Variants in EVA1A observed in about 807,000 individuals in gnomAD.
EVA1A encodes protein eva-1 homolog A.
EVA1A carries 7 observed loss-of-function variants against 9.8 expected under a neutral mutation model. The ratio of observed to expected loss-of-function variants is 0.71; its 90% CI spans 0.41 to 1.34. EVA1A has a LOEUF of 1.34. EVA1A is among the 40% of genes most tolerant of loss of function. The pLI is 0.01. For missense variants in EVA1A, 206 were observed against 205.9 expected, an observed-to-expected ratio of 1.00 and a Z score of 0.00; for synonymous variants, 90 against 85.6, an observed-to-expected ratio of 1.05 and a Z score of -0.28.
At chr2:75,497,103 A>G (rs1475615052) in intron 3 of EVA1A, among the ~76,000 whole-genome samples, 4 of 152,232 alleles carry the variant, frequency 2.6e-5, no homozygotes, top group African/African-American at 9.6e-5. Flanking sequence ...AACCTAGGAA[A>G]TACCATTCTG....
chr2:75,520,918 G>T (rs1369810087), intron 2 of EVA1A, among the ~76,000 whole-genome samples: 1 of 152,140 alleles, frequency 6.6e-6, no homozygotes, highest in East Asian at 1.9e-4. Flanking sequence ...CACAAAATGG[G>T]AGAAAATATT....
chr2:75,562,634 T>G (rs80125397), upstream of EVA1A, among the ~76,000 whole-genome samples: 2,589 of 152,312 alleles, frequency 0.017, 78 homozygotes, highest in African/African-American at 0.059. Context: ...TGTTTCCTTA[T>G]CTGTAAAAAG....
intron 1 of EVA1A, among the ~76,000 whole-genome samples, chr2:75,554,447 AG>A (rs1676629204): frequency 1.3e-5 from 2 of 152,158 alleles, no homozygotes; most frequent in Non-Finnish European, 2.9e-5. Context: ...GGAGAAGGAA[AG>A]GGGGAAAAGC....
At chr2:75,568,359 A>C (rs1016252194) in intron 1 of EVA1A, among the ~76,000 whole-genome samples, 1 of 149,996 alleles carries the variant, frequency 6.7e-6, no homozygotes, top group Non-Finnish European at 1.5e-5. Flanking sequence ...ATTAAAGGAT[A>C]TTGTTTAATA....
In EVA1A at chr2:75,509,043, G is replaced by A. The variant is rs532914792; in HGVS notation, c.85+9013C>T. 5.8e-4 allele frequency among the ~76,000 whole-genome samples: 89 copies of A among 152,242 alleles called. No individual in the cohort carries two copies. In the East Asian group the frequency reaches 8.1e-3, roughly 14 times the overall value. Reference sequence around the variant, plus strand: ...AGAGATGCAGAGGAGAGCCTGTGTCGTGTCTTGTGAATTCCTGTTTCCCTA... The same window carrying A: ...AGAGATGCAGAGGAGAGCCTGTGTCATGTCTTGTGAATTCCTGTTTCCCTA... On this transcript the variant is annotated intron_variant, in intron 3 of 3. Transcript: ENST00000393913.
At chr2:75,544,432 A>C (rs767884833) in intron 1 of EVA1A, among the ~76,000 whole-genome samples, 3 of 152,220 alleles carry the variant, frequency 2.0e-5, no homozygotes, top group African/African-American at 7.2e-5. Context: ...TAGCATGCTT[A>C]TTTTGATGTT....
chr2:75,505,285 G>T (rs1195158626), intron 3 of EVA1A, among the ~76,000 whole-genome samples: 1 of 152,164 alleles, frequency 6.6e-6, no homozygotes, highest in Non-Finnish European at 1.5e-5. Flanking sequence ...CACTTTATGT[G>T]GTTGCGCTAT....
intron 1 of EVA1A, among the ~76,000 whole-genome samples, chr2:75,569,026 T>C (rs1677078149): frequency 6.6e-6 from 1 of 152,240 alleles, no homozygotes; most frequent in South Asian, 2.1e-4. Flanking sequence ...ATGGTAGTTC[T>C]ACTTTTAGAA....
intron 1 of EVA1A, chr2:75,526,296 C>T (rs1335105538): frequency 6.6e-6 from 1 of 152,174 alleles, no homozygotes; most frequent in Non-Finnish European, 1.5e-5. Flanking sequence ...GCAGAGGACC[C>T]ATAAAGACTT....
At position 75,492,484 on chromosome 2, in the gene EVA1A, AAG is replaced by A. The variant is rs201781491; in HGVS notation, c.*750_*751del. The A allele has an allele frequency of 0.011, 1,725 of 152,434 alleles. 15 individuals are homozygous for A. The highest frequency in any genetic ancestry group is 0.029 in the South Asian group (139 of 4,796). 9.4% of individuals were successfully genotyped at this position (152,434 alleles called of 1,614,324 possible). A position where few individuals can be genotyped will look rare whatever the true frequency, so the allele number is the denominator to read the frequency against. ...TCATAATAAAATTTTCTTGTCTCCA[AAG>A]AGGGGGAAAACACACCACTTTTATT... On this transcript the variant is annotated 3_prime_UTR_variant, in exon 4 of 4. Coordinates refer to ENST00000393913, the MANE Select transcript of EVA1A (RefSeq NM_001135032.2).
chr2:75,499,043 T>C (rs1340245808), intron 3 of EVA1A, among the ~76,000 whole-genome samples: 1 of 152,234 alleles, frequency 6.6e-6, no homozygotes, highest in East Asian at 1.9e-4. Context: ...AAACATGCTA[T>C]CTGATGACAG....
intron 3 of EVA1A, among the ~76,000 whole-genome samples, chr2:75,517,428 G>A (rs1399421153): frequency 1.3e-5 from 2 of 152,146 alleles, no homozygotes; most frequent in East Asian, 1.9e-4. Flanking sequence ...AAACCAGTGA[G>A]CATTTTCATG....
chr2:75,493,298 C>G lies in EVA1A; in HGVS notation c.397G>C (p.Glu133Gln), dbSNP rs751887683. 3.7e-6 allele frequency: 6 copies of G among 1,614,112 alleles called. No homozygotes were observed. The highest frequency in any genetic ancestry group is 5.1e-6 in the Non-Finnish European group (6 of 1,179,978). ...RLEERERIIR[E>Q]IWMNGQPEVP... ...TCAGGCTGGCCATTCATCCAGATCT[C>G]CCTGATGATGCGCTCGCGCTCCTCC... Residue 133 changes from glutamate to glutamine, a missense_variant, in exon 4 of 4, where the codon GAG (glutamate) becomes CAG (glutamine). Physicochemically the swap from Glu to Gln is conservative, Grantham distance 29. Transcript: ENST00000393913.
rs150344040 is a variant in EVA1A at position 75,493,573 on chromosome 2, C to G, written c.122G>C (p.Gly41Ala). The G allele has an allele frequency of 4.5e-5, 72 of 1,612,510 alleles. No individual in the cohort carries two copies. The highest frequency in any genetic ancestry group is 6.0e-5 in the Non-Finnish European group (71 of 1,179,248). ...GGTCAGCACCAGCCCGATGCACACG[C>G]CAGAAACAAAGTACAGAGCTGCTCG... ...PERAALYFVS[G>A]VCIGLVLTLA... Residue 41 changes from glycine to alanine, a missense_variant, in exon 4 of 4, where the codon GGC becomes GCC. Gly to Ala is a moderately conservative substitution (Grantham distance 60, BLOSUM62 0). Transcript: ENST00000393913.
At chr2:75,512,660 C>A (rs1045581950) in intron 3 of EVA1A, among the ~76,000 whole-genome samples, 7 of 152,120 alleles carry the variant, frequency 4.6e-5, no homozygotes, top group Non-Finnish European at 7.4e-5. Context: ...GAGTGGGATG[C>A]CTCAAACCAT....
intron 3 of EVA1A, among the ~76,000 whole-genome samples, chr2:75,513,865 T>C (rs1335454597): frequency 6.6e-6 from 1 of 152,164 alleles, no homozygotes; most frequent in Non-Finnish European, 1.5e-5. Flanking sequence ...CTTCTTACTA[T>C]GTGGGTAAGA....
intron 1 of EVA1A, among the ~76,000 whole-genome samples, chr2:75,535,625 C>A (rs533172245): frequency 6.6e-6 from 1 of 152,140 alleles, no homozygotes; most frequent in Non-Finnish European, 1.5e-5. Flanking sequence ...AACATAATGT[C>A]TTTTGCAGCA....
At chr2:75,519,519 G>A (rs971312115) in intron 2 of EVA1A, among the ~76,000 whole-genome samples, 7 of 152,160 alleles carry the variant, frequency 4.6e-5, no homozygotes, top group African/African-American at 1.7e-4. Flanking sequence ...TCCTTGGAGC[G>A]GCCAGAGGCT....
At chr2:75,507,376 G>A (rs796975391) in intron 3 of EVA1A, among the ~76,000 whole-genome samples, 1 of 152,208 alleles carries the variant, frequency 6.6e-6, no homozygotes, top group Non-Finnish European at 1.5e-5. Context: ...AACCATCTAT[G>A]TGGCTAGGAC....
Sources: allele counts gnomAD v4.1 joint callset (sites outside exome capture counted in the v4.1 genomes callset), GRCh38; gene constraint gnomAD v4.1.1; transcripts MANE v1.5; gene names NCBI Gene and HGNC (gene_info 2026-07-23, HGNC 2026-07-21).